FMN1: variants seen among roughly 807,000 people sequenced by gnomAD.
FMN1 encodes formin-1.
In FMN1, 110 loss-of-function variants were observed where a neutral mutation model predicts 132.4. That is an observed-to-expected ratio of 0.83 (90% CI 0.71 to 0.97). The LOEUF (loss-of-function observed/expected upper bound fraction) is 0.97. Among genes scored for constraint, FMN1 ranks in the 50% least tolerant of loss-of-function variants. The probability of loss-of-function intolerance (pLI) is 0.00; values close to 1 mark genes in which losing one functional copy is unlikely to be tolerated. For missense variants in FMN1, 1,792 were observed against 1,705.3 expected (o/e 1.05, Z -0.90); for synonymous variants, 722 against 651.7 (o/e 1.11, Z -1.64).
chr15:33,042,762 G>C (rs912344462), intron 6 of FMN1, among the ~76,000 whole-genome samples: 9 of 121,798 alleles, frequency 7.4e-5, no homozygotes, highest in African/African-American at 2.8e-4. Context: ...ATTAAATACA[G>C]AAAAGAACCC....
chr15:33,150,822 C>T, intron 4 of FMN1: 3 of 987,580 alleles, frequency 3.0e-6, no homozygotes, highest in Non-Finnish European at 3.6e-6. Flanking sequence ...AGACCATAAA[C>T]TTAATCTGGT....
Position 33,069,993 on chromosome 15 carries a change from C to CTTTTT in FMN1, c.2044-4924_2044-4920dup, listed in dbSNP as rs1171369156. 3.2e-3 allele frequency among the ~76,000 whole-genome samples: 238 copies of CTTTTT among 74,274 alleles called. 2 individuals carry two copies. Among genetic ancestry groups the CTTTTT allele is most frequent in the Non-Finnish European group, 4.3e-3 (174 of 40,612 alleles). 48.7% of individuals were successfully genotyped at this position (74,274 alleles called of 152,430 possible). Reference sequence around the variant, plus strand: ...AACAGATCATAAGATCAGTCTTTCTCTTTTTTTTTTTTTTTTTTTTTTTTT... The same window carrying CTTTTT: ...AACAGATCATAAGATCAGTCTTTCTCTTTTTTTTTTTTTTTTTTTTTTTTTTTTTT... On this transcript the variant is annotated intron_variant, in intron 5 of 20. Coordinates refer to ENST00000616417, the MANE Select transcript of FMN1 (RefSeq NM_001277313.2).
At chr15:33,148,311 T>C (rs1403131851) in intron 4 of FMN1, among the ~76,000 whole-genome samples, 1 of 152,222 alleles carries the variant, frequency 6.6e-6, no homozygotes, top group Non-Finnish European at 1.5e-5. Flanking sequence ...ATAGACGTCA[T>C]TCTACCGAAG....
chr15:33,027,433 CT>C (rs2035731645), intron 6 of FMN1, among the ~76,000 whole-genome samples: 1 of 152,154 alleles, frequency 6.6e-6, no homozygotes, highest in Non-Finnish European at 1.5e-5. Context: ...TCTAGGAACT[CT>C]TAAGTATTCT....
At chr15:32,848,578 G>T (rs1365988378) in intron 17 of FMN1, among the ~76,000 whole-genome samples, 1 of 152,178 alleles carries the variant, frequency 6.6e-6, no homozygotes, top group Non-Finnish European at 1.5e-5. Flanking sequence ...AAAGTAATGA[G>T]ACTGTGAGTA....
intron 17 of FMN1, among the ~76,000 whole-genome samples, chr15:32,845,186 T>C (rs1338042354): frequency 6.6e-5 from 10 of 152,210 alleles, no homozygotes; most frequent in East Asian, 1.9e-4. Flanking sequence ...CTTGCCATAG[T>C]TGTCAAGAAT....
intron 14 of FMN1, chr15:32,899,663 C>A: frequency 3.2e-6 from 1 of 311,336 alleles, no homozygotes; most frequent in South Asian, 5.4e-5. Flanking sequence ...CCAGCCTTTG[C>A]AGGATCCTGG....
chr15:32,871,569 G>A (rs1313898553), intron 16 of FMN1, among the ~76,000 whole-genome samples: 1 of 152,098 alleles, frequency 6.6e-6, no homozygotes, highest in African/African-American at 2.4e-5. Context: ...AGCCACATCT[G>A]TGTCCATACA....
chr15:33,066,404 T>C (rs1364292807), intron 5 of FMN1: 8 of 969,598 alleles, frequency 8.3e-6, no homozygotes, highest in Non-Finnish European at 1.1e-5. Context: ...CTTTTTCAAC[T>C]AAAAGAATCA....
chr15:32,875,952 C>T (rs530004216), intron 16 of FMN1, among the ~76,000 whole-genome samples: 1 of 152,216 alleles, frequency 6.6e-6, no homozygotes, highest in African/African-American at 2.4e-5. Flanking sequence ...CTTCCTATCT[C>T]GAAGACTCTG....
At chr15:32,949,288 A>T (rs1445975429) in intron 9 of FMN1, among the ~76,000 whole-genome samples, 4 of 152,182 alleles carry the variant, frequency 2.6e-5, no homozygotes, top group Non-Finnish European at 4.4e-5. Flanking sequence ...CCTGACTTCA[A>T]ACTATACTAC....
At chr15:33,151,319 G>A in intron 4 of FMN1, 1 of 1,536,454 alleles carries the variant, frequency 6.5e-7, no homozygotes, top group East Asian at 2.4e-5. Flanking sequence ...AGAAGCACAG[G>A]AGATGCTTAC....
rs138443699 is a variant in FMN1, at chr15:32,868,572, G to A, written c.3836-11465C>T. The stretch of plus-strand genomic sequence containing the variant: ...GTTGTTAAGTGACACATGACTGTAT[G>A]TATGTATATGTAGACACAGACATAT... On this transcript the variant is annotated intron_variant, in intron 16 of 20. Coordinates refer to ENST00000616417, the MANE Select transcript of FMN1 (RefSeq NM_001277313.2). 6.0e-3 allele frequency among the ~76,000 whole-genome samples: 906 copies of A among 152,228 alleles called. 9 individuals are homozygous for A. Among genetic ancestry groups the A allele is most frequent in the African/African-American group, 0.021 (854 of 41,532 alleles).
chr15:32,974,064 A>G (rs1280005183), intron 7 of FMN1, among the ~76,000 whole-genome samples: 4 of 152,234 alleles, frequency 2.6e-5, no homozygotes, highest in African/African-American at 9.6e-5. Context: ...AGGAAACTAC[A>G]GATAATGCCA....
intron 9 of FMN1, among the ~76,000 whole-genome samples, chr15:32,950,034 C>T (rs867308939): frequency 8.8e-4 from 4 of 4,530 alleles, no homozygotes; most frequent in African/African-American, 2.3e-3. Context: ...TATATATATA[C>T]ACATATATAT....
intron 3 of FMN1, among the ~76,000 whole-genome samples, chr15:33,177,776 G>A (rs887065517): frequency 6.6e-5 from 10 of 152,144 alleles, no homozygotes; most frequent in East Asian, 1.9e-4. Context: ...AGGCTGAAGC[G>A]CATGGATCAC....
chr15:33,095,878 TA>T (rs542448459), intron 4 of FMN1, among the ~76,000 whole-genome samples: 115 of 151,968 alleles, frequency 7.6e-4, no homozygotes, highest in African/African-American at 2.5e-3. Context: ...GAGAAAAAAT[TA>T]CAAAATACTA....
At chr15:32,977,863 C>CTTT (rs773212104) in intron 7 of FMN1, among the ~76,000 whole-genome samples, 1 of 142,618 alleles carries the variant, frequency 7.0e-6, no homozygotes, top group East Asian at 2.0e-4. Context: ...TACAATTATT[C>CTTT]TTTTTTTTTT....
At chr15:32,795,594 G>C (rs761446040) in intron 19 of FMN1, among the ~76,000 whole-genome samples, 1 of 151,758 alleles carries the variant, frequency 6.6e-6, no homozygotes, top group Non-Finnish European at 1.5e-5. Context: ...AATGGGGGTG[G>C]GGGGGTGGCA....
Sources: gnomAD v4.1 joint callset for allele counts (sites outside exome capture counted in the v4.1 genomes callset) on GRCh38, gnomAD v4.1.1 for gene constraint, MANE v1.5 for transcripts, NCBI Gene and HGNC (gene_info 2026-07-23, HGNC 2026-07-21) for gene names.